CRACR2B: variants seen among roughly 807,000 people sequenced by gnomAD.
The protein encoded by CRACR2B is EF-hand calcium-binding domain-containing protein 4A.
Under a neutral mutation model 46.0 loss-of-function variants are expected in CRACR2B, and 50 were observed. That is an observed-to-expected ratio of 1.09 (90% CI 0.87 to 1.38). The LOEUF is 1.38. CRACR2B is among the 40% of genes most tolerant of loss of function. The pLI, the probability that CRACR2B is intolerant of heterozygous loss-of-function variation, is 0.00. For missense variants in CRACR2B, 667 were observed against 535.0 expected, an observed-to-expected ratio of 1.25 and a Z score of -2.43; for synonymous variants, 277 against 239.6, an observed-to-expected ratio of 1.16 and a Z score of -1.44.
At chr11:829,944 C>T in intron 3 of CRACR2B, 42 bp from the exon 4 acceptor site, 1 of 1,537,140 alleles carries the variant, frequency 6.5e-7, no homozygotes, top group Non-Finnish European at 8.7e-7. Flanking sequence ...GCCTGCTTCC[C>T]GCTTCTGCCA....
At chr11:829,626 T>G in intron 3 of CRACR2B, 86 bp downstream of exon 3, 1 of 1,371,784 alleles carries the variant, frequency 7.3e-7, no homozygotes, top group South Asian at 1.5e-5. Context: ...CGAGTGCTGG[T>G]TCTGCACAGG....
rs900542683 is a variant in CRACR2B, at chr11:830,615, T to C, written c.694-6T>C. 2.6e-6 allele frequency: 4 copies of C among 1,549,172 alleles called. No individual in the cohort carries two copies. Among genetic ancestry groups the C allele is most frequent in the African/African-American group, 1.4e-5 (1 of 73,030 alleles). On this transcript the variant is annotated splice_region_variant and splice_polypyrimidine_tract_variant and intron_variant, in intron 5 of 8. Coordinates refer to ENST00000525077, the MANE Select transcript of CRACR2B (RefSeq NM_001286606.2). ...CGGAGGCTCAGTGGTCCTCCGTGCGTCCCAGAACTTCGCCCGCGGGGAGCG... is the reference window on the plus strand; with the variant it reads ...CGGAGGCTCAGTGGTCCTCCGTGCGCCCCAGAACTTCGCCCGCGGGGAGCG...
At chr11:829,707 C>A in intron 3 of CRACR2B, 167 bp downstream of exon 3, 1 of 1,055,294 alleles carries the variant, frequency 9.5e-7, no homozygotes, top group Non-Finnish European at 1.3e-6. Context: ...CATGATTTCC[C>A]GCAGAATTTG....
At chr11:827,457 G>C (rs1446525708), upstream of CRACR2B, 71 of 765,870 alleles carry the variant, frequency 9.3e-5, no homozygotes, top group Non-Finnish European at 1.0e-4. Context: ...CAAGGCGGCA[G>C]GGGTAAGGGC....
rs369737052 is a variant in CRACR2B at position 828,732 on chromosome 11, A to T, written c.125A>T (p.Asp42Val). 1.5e-5 allele frequency: 25 copies of T among 1,613,574 alleles called. No homozygotes were observed. The highest frequency in any genetic ancestry group is 2.7e-5 in the African/African-American group (2 of 75,026). The change falls in exon 1 of 9, where the codon GAC becomes GTC. Residue 42 changes from aspartate (D) to valine (V), a missense_variant. Physicochemically the swap from Asp to Val is radical, Grantham distance 152. Transcript: ENST00000525077. ...EQAEELFLLC[D>V]KEAKGFITKH... The stretch of plus-strand genomic sequence containing the variant: ...GCTGAGGAGCTGTTTCTGCTGTGTG[A>T]CAAGGAGGCTAAGGGCTTCATCACC...
chr11:830,577 G>A, intron 5 of CRACR2B, 44 bp from the exon 6 acceptor site: 1 of 1,548,348 alleles, frequency 6.5e-7, no homozygotes, highest in Non-Finnish European at 8.7e-7. Context: ...CTTTTGCATG[G>A]CCGAGCGGCC....
upstream of CRACR2B, among the ~76,000 whole-genome samples, chr11:826,785 C>A (rs967903124): frequency 6.6e-6 from 1 of 152,200 alleles, no homozygotes; most frequent in South Asian, 2.1e-4. Context: ...TCTCAGCCCC[C>A]CAAAGTGCTG....
chr11:826,849 G>C (rs1303406662), upstream of CRACR2B, among the ~76,000 whole-genome samples: 9 of 152,206 alleles, frequency 5.9e-5, no homozygotes, highest in East Asian at 1.7e-3. Flanking sequence ...GGAAAGTATA[G>C]AGAAGAAAGT....
At position 828,747 on chromosome 11, in the gene CRACR2B, G is replaced by T. The variant is rs1342012342; in HGVS notation, c.140G>T (p.Gly47Val). The T allele has an allele frequency of 1.2e-6, 2 of 1,613,614 alleles. No homozygotes were observed. The highest frequency in any genetic ancestry group is 4.5e-5 in the East Asian group (2 of 44,892). Residue 47 changes from glycine (G) to valine (V), a missense_variant, in exon 1 of 9, where the codon GGC becomes GTC. Gly to Val is a moderately radical substitution (Grantham distance 109). Coordinates refer to ENST00000525077, the MANE Select transcript of CRACR2B (RefSeq NM_001286606.2). Reference sequence around the variant, plus strand: ...CTGCTGTGTGACAAGGAGGCTAAGGGCTTCATCACCAAGCACGACCTGCAG... The same window carrying T: ...CTGCTGTGTGACAAGGAGGCTAAGGTCTTCATCACCAAGCACGACCTGCAG... ...LFLLCDKEAK[G>V]FITKHDLQGL...
upstream of CRACR2B, among the ~76,000 whole-genome samples, chr11:826,433 G>C (rs1845903840): frequency 6.6e-6 from 1 of 152,258 alleles, no homozygotes; most frequent in Non-Finnish European, 1.5e-5. Context: ...AGGAGAGCCA[G>C]GAGGGGCTAC....
At chr11:826,924 C>G (rs1845941096), upstream of CRACR2B, among the ~76,000 whole-genome samples, 2 of 152,234 alleles carry the variant, frequency 1.3e-5, no homozygotes, top group Non-Finnish European at 1.5e-5. Flanking sequence ...CCGGCTTTTT[C>G]CTACACACAC....
At chr11:830,442 C>A in intron 5 of CRACR2B, 105 bp downstream of exon 5, 1 of 1,536,396 alleles carries the variant, frequency 6.5e-7, no homozygotes. Flanking sequence ...CCCACCTCCG[C>A]GGGTCCAGGC....
chr11:831,262 AAGTC>A lies in CRACR2B; in HGVS notation c.995_998del (p.Val332AlafsTer12), dbSNP rs1846406525. ...GTCTCCAGGAACATGCAGAAAGAGA[AAGTC>A]AGCCTGCTACGGCAACTGGAGCTGC... On this transcript the variant is annotated frameshift_variant, in exon 8 of 9. Transcript: ENST00000525077. LOFTEE classifies it low-confidence loss of function (END_TRUNC). The A allele has an allele frequency of 6.2e-7, 1 of 1,611,148 alleles. No homozygotes were observed. Among genetic ancestry groups the A allele is most frequent in the South Asian group, 1.1e-5 (1 of 91,036 alleles).
At position 830,653 on chromosome 11, in the gene CRACR2B, G is replaced by A; in HGVS notation, c.726G>A (p.Leu242=). 6.5e-7 allele frequency: 1 copy of A among 1,548,186 alleles called. No homozygotes were observed. The change falls in exon 6 of 9, where the codon CTG becomes CTA. Residue 242 remains leucine, a synonymous_variant. Transcript: ENST00000525077. ...NFARGERRSR[L]ELELQSREQD... is the part of the protein sequence containing the mutation. Reference sequence around the variant, plus strand: ...CCCGCGGGGAGCGGAGAAGCCGTCTGGAGCTGGAGCTGCAGAGCCGCGAGC... The same window carrying A: ...CCCGCGGGGAGCGGAGAAGCCGTCTAGAGCTGGAGCTGCAGAGCCGCGAGC...
At position 828,883 on chromosome 11, in the gene CRACR2B, A is replaced by G. The variant is rs1245345827; in HGVS notation, c.197A>G (p.Glu66Gly). The part of the protein sequence containing the change: ...GLQSDLPLTP[E>G]QLEAVFESLD... ...CAGAGCGACCTGCCCCTCACGCCAGAGCAGCTGGAGGCTGTGTTTGAAAGT... is the reference window on the plus strand; with the variant it reads ...CAGAGCGACCTGCCCCTCACGCCAGGGCAGCTGGAGGCTGTGTTTGAAAGT... The change falls in exon 2 of 9, where the codon GAG becomes GGG. Residue 66 changes from glutamate to glycine, a missense_variant. By Grantham distance (98) the Glu-to-Gly change is moderately conservative. Transcript: ENST00000525077. 6.2e-7 allele frequency: 1 copy of G among 1,610,218 alleles called. No individual in the cohort carries two copies. The highest frequency in any genetic ancestry group is 8.5e-7 in the Non-Finnish European group (1 of 1,179,836).
chr11:826,461 G>C (rs887726528), upstream of CRACR2B, among the ~76,000 whole-genome samples: 4 of 152,240 alleles, frequency 2.6e-5, no homozygotes, highest in African/African-American at 9.6e-5. Context: ...GGACCTGCCT[G>C]AGTCCCCAGC....
Position 830,046 on chromosome 11 carries a change from C to G in CRACR2B, c.519C>G (p.Gly173=), listed in dbSNP as rs1166595394. Residue 173 remains glycine, a synonymous_variant, in exon 4 of 9, where the codon GGC becomes GGG. Coordinates refer to ENST00000525077, the MANE Select transcript of CRACR2B (RefSeq NM_001286606.2). ...AGCGCGAGCGCCCCGAGCTGCTGGG[C>G]TCTTTCGAGGATGTTCTGATACGCG... is the stretch of plus-strand genomic sequence containing the variant. ...RLQRERPELL[G]SFEDVLIRAS... 9 of 1,566,192 alleles carry G rather than the reference C, an allele frequency of 5.7e-6. No individual in the cohort carries two copies. The highest frequency in any genetic ancestry group is 1.4e-5 in the African/African-American group (1 of 74,052).
At position 828,583 on chromosome 11, in the gene CRACR2B, G is replaced by A. The variant is rs1343642609; in HGVS notation, c.-25G>A. 6.4e-7 allele frequency: 1 copy of A among 1,569,904 alleles called. No homozygotes were observed. The highest frequency in any genetic ancestry group is 2.1e-5 in the Admixed American group (1 of 46,846). Reference sequence around the variant, plus strand: ...CTCCCTTGGCTTCACAGCACCTGAAGGCCAGGCTGAGGCCCCCTGCTCTCA... The same window carrying A: ...CTCCCTTGGCTTCACAGCACCTGAAAGCCAGGCTGAGGCCCCCTGCTCTCA... On this transcript the variant is annotated 5_prime_UTR_variant, in exon 1 of 9. Transcript: ENST00000525077.
At chr11:831,420 C>T (rs1846430057) in intron 8 of CRACR2B, 115 bp from the exon 9 acceptor site, 1 of 1,480,234 alleles carries the variant, frequency 6.8e-7, no homozygotes, top group Non-Finnish European at 9.0e-7. Flanking sequence ...CCTTTCACCC[C>T]TCACGCTGCA....
Sources: gnomAD v4.1 joint callset for allele counts (sites outside exome capture counted in the v4.1 genomes callset) on GRCh38, gnomAD v4.1.1 for gene constraint, MANE v1.5 for transcripts, NCBI Gene and HGNC (gene_info 2026-07-23, HGNC 2026-07-21) for gene names.